DNAJC5: variants seen among roughly 807,000 people sequenced by gnomAD.
DNAJC5 encodes DnaJ heat shock protein family (Hsp40) member C5.
In DNAJC5, 1 loss-of-function variant was observed where a neutral mutation model predicts 23.2. That is an observed-to-expected ratio of 0.04 (90% CI 0.02 to 0.20). The LOEUF is 0.20. Among genes scored for constraint, DNAJC5 ranks in the 10% least tolerant of loss-of-function variants. DNAJC5 has a pLI of 1.00. For synonymous variants in DNAJC5, 136 were observed against 120.0 expected (o/e 1.13, Z -0.87); for missense variants, 180 against 267.0 (o/e 0.67, Z 2.27).
At chr20:63,904,967 C>T (rs1195182930) in intron 1 of DNAJC5, among the ~76,000 whole-genome samples, 1 of 151,486 alleles carries the variant, frequency 6.6e-6, no homozygotes, top group Non-Finnish European at 1.5e-5. Context: ...CCACGCCCGG[C>T]TAATTTTTGT....
chr20:63,932,512 A>T lies in DNAJC5; in HGVS notation c.*944A>T, dbSNP rs774407862. The T allele has an allele frequency of 1.3e-5, 2 of 152,236 alleles. No homozygotes were observed. The highest frequency in any genetic ancestry group is 2.9e-5 in the Non-Finnish European group (2 of 68,020). 9.4% of individuals were successfully genotyped at this position (152,236 alleles called of 1,614,324 possible). A position where few individuals can be genotyped will look rare whatever the true frequency, so the allele number is the denominator to read the frequency against. ...GACCTTTAGAACCACAGATGATAGG[A>T]CCAGCCCAATGAGCCACAGTCAGAG... On this transcript the variant is annotated 3_prime_UTR_variant, in exon 5 of 5. Transcript: ENST00000360864. This position sits in a 1 kb window ranked among gnomAD's most constrained non-coding sequence, Gnocchi z 4.4.
chr20:63,923,543 A>G (rs2427564), intron 1 of DNAJC5, among the ~76,000 whole-genome samples: 2,077 of 152,228 alleles, frequency 0.014, 10 homozygotes, highest in African/African-American at 0.024. Context: ...GTTTGAGACC[A>G]ACAAGATCCT....
chr20:63,906,105 C>T (rs181569745), intron 1 of DNAJC5, among the ~76,000 whole-genome samples: 1 of 152,188 alleles, frequency 6.6e-6, no homozygotes, highest in East Asian at 1.9e-4. Flanking sequence ...AATGTGTCTT[C>T]AAGCTGAGAA....
intron 1 of DNAJC5, among the ~76,000 whole-genome samples, chr20:63,917,475 A>C (rs1351794654): frequency 2.0e-5 from 3 of 151,676 alleles, no homozygotes; most frequent in African/African-American, 7.3e-5. Flanking sequence ...CTGGTCTCAA[A>C]CTCCTGAGCT....
At chr20:63,902,929 G>A (rs950324271) in intron 1 of DNAJC5, among the ~76,000 whole-genome samples, 2 of 151,850 alleles carry the variant, frequency 1.3e-5, no homozygotes, top group African/African-American at 4.8e-5. Context: ...TGCCCACCTC[G>A]GCCTCCCAAA....
At chr20:63,902,399 CTT>C (rs1378703615) in intron 1 of DNAJC5, among the ~76,000 whole-genome samples, 4 of 101,100 alleles carry the variant, frequency 4.0e-5, no homozygotes, top group Non-Finnish European at 7.3e-5. Flanking sequence ...GAGTTTCACT[CTT>C]GTTTCCCAGG....
At position 63,920,780 on chromosome 20, in the gene DNAJC5, C is replaced by T. The variant is rs941486072; in HGVS notation, c.-11-7555C>T. 5.9e-5 allele frequency among the ~76,000 whole-genome samples: 9 copies of T among 152,038 alleles called. No individual in the cohort carries two copies. Among genetic ancestry groups the T allele is most frequent in the South Asian group, 2.1e-4 (1 of 4,824 alleles). On this transcript the variant is annotated intron_variant, in intron 1 of 4. Coordinates refer to ENST00000360864, the MANE Select transcript of DNAJC5 (RefSeq NM_025219.3). The surrounding 1 kb of genome is among the most constrained non-coding windows in gnomAD (Gnocchi z 4.6). Reference sequence around the variant, plus strand: ...GCAACCTCCCCCTCGAGGGTTCAAGCGATTCTCCTGCCTCAGCCTCCTGAG... The same window carrying T: ...GCAACCTCCCCCTCGAGGGTTCAAGTGATTCTCCTGCCTCAGCCTCCTGAG...
Position 63,928,447 on chromosome 20 carries a change from C to T in DNAJC5, c.102C>T (p.Ser34=). The T allele has an allele frequency of 6.2e-7, 1 of 1,613,840 alleles. No individual in the cohort carries two copies. Among genetic ancestry groups the T allele is most frequent in the Non-Finnish European group, 8.5e-7 (1 of 1,179,854 alleles). The change falls in exon 2 of 5, where the codon TCC becomes TCT. Residue 34 remains serine, a synonymous_variant. Transcript: ENST00000360864. This position sits in a 1 kb window ranked among gnomAD's most constrained non-coding sequence, Gnocchi z 4.6. ...CAACCTCAGATGACATTAAAAAGTCCTATCGGTAAGTGGACAAGTGTGGCC... is the reference window on the plus strand; with the variant it reads ...CAACCTCAGATGACATTAAAAAGTCTTATCGGTAAGTGGACAAGTGTGGCC... ...KNATSDDIKK[S]YRKLALKYHP... is the part of the protein sequence containing the mutation.
chr20:63,925,523 G>T (rs1314839239), intron 1 of DNAJC5, among the ~76,000 whole-genome samples: 1 of 151,376 alleles, frequency 6.6e-6, no homozygotes, highest in Non-Finnish European at 1.5e-5. Flanking sequence ...GTGTAAAATA[G>T]GTGAAGGATG....
chr20:63,928,533 A>C lies in DNAJC5; in HGVS notation c.107+81A>C, dbSNP rs938409571. The C allele has an allele frequency of 2.9e-5, 34 of 1,170,670 alleles. No homozygotes were observed. The highest frequency in any genetic ancestry group is 4.0e-5 in the Non-Finnish European group (31 of 782,770). 72.5% of individuals were successfully genotyped at this position (1,170,670 alleles called of 1,614,324 possible). On this transcript the variant is annotated intron_variant, in intron 2 of 4. Transcript: ENST00000360864. This position sits in a 1 kb window ranked among gnomAD's most constrained non-coding sequence, Gnocchi z 4.6. ...TGGTTTAGTCTGCATTTTACCAAGA[A>C]CCATTGCACATACTTTATCCTGGCC...
intron 1 of DNAJC5, among the ~76,000 whole-genome samples, chr20:63,927,270 A>C (rs1031086518): frequency 1.1e-4 from 16 of 152,148 alleles, no homozygotes; most frequent in Non-Finnish European, 2.1e-4. Flanking sequence ...TAACCCCAGC[A>C]CTGTGGGAGG....
rs1384112996 is a variant in DNAJC5, at chr20:63,929,072, TCA to T, written c.108-237_108-236del. ...GCTGAACTTAGATGTGCCGTGGCAC[TCA>T]CAGCCCTTGGGGCTCCCTCCTCTGA... On this transcript the variant is annotated intron_variant, in intron 2 of 4. Transcript: ENST00000360864. This position sits in a 1 kb window ranked among gnomAD's most constrained non-coding sequence, Gnocchi z 8.6. 6.6e-6 allele frequency among the ~76,000 whole-genome samples: 1 copy of T among 152,232 alleles called. No homozygotes were observed. The highest frequency in any genetic ancestry group is 1.5e-5 in the Non-Finnish European group (1 of 68,028).
intron 1 of DNAJC5, among the ~76,000 whole-genome samples, chr20:63,918,785 G>A (rs1368616902): frequency 6.6e-6 from 1 of 152,086 alleles, no homozygotes; most frequent in Non-Finnish European, 1.5e-5. Flanking sequence ...TTGTAGAGAC[G>A]GGGTTTCACT....
In DNAJC5 at chr20:63,897,965, G is replaced by A. The variant is rs1352154492; in HGVS notation, c.-12+2642G>A. Among the ~76,000 whole-genome samples the A allele has an allele frequency of 3.3e-5, 5 of 152,306 alleles. No homozygotes were observed. In the South Asian group the frequency reaches 8.3e-4, roughly 25 times the overall value. ...TTCAGAGATTGAACAGACGCTGCAC[G>A]TTTCTCAGGCATTTTTCCTCAGTTC... On this transcript the variant is annotated intron_variant, in intron 1 of 4. Coordinates refer to ENST00000360864, the MANE Select transcript of DNAJC5 (RefSeq NM_025219.3).
At chr20:63,925,485 A>G (rs1309523390) in intron 1 of DNAJC5, among the ~76,000 whole-genome samples, 1 of 151,482 alleles carries the variant, frequency 6.6e-6, no homozygotes, top group African/African-American at 2.4e-5. Context: ...CTCCACCTCA[A>G]AAATAAAAAT....
rs1009899508 is a variant in DNAJC5, at chr20:63,920,127, G to A, written c.-11-8208G>A. ...TGCCCAGGGCCCGGGACAGCGCCAC[G>A]GAAGAGGACGCACAGGACAGCGCCA... On this transcript the variant is annotated intron_variant, in intron 1 of 4. Transcript: ENST00000360864. This position sits in a 1 kb window ranked among gnomAD's most constrained non-coding sequence, Gnocchi z 4.6. Among the ~76,000 whole-genome samples the A allele has an allele frequency of 4.3e-5, 6 of 138,588 alleles. No individual in the cohort carries two copies. The highest frequency in any genetic ancestry group is 2.4e-4 in the South Asian group (1 of 4,216). The allele number at this position is 138,588 out of a possible 152,430, so 90.9% of individuals were successfully genotyped here.
intron 1 of DNAJC5, among the ~76,000 whole-genome samples, chr20:63,910,942 T>C (rs1005294545): frequency 2.6e-5 from 4 of 152,198 alleles, no homozygotes; most frequent in Non-Finnish European, 5.9e-5. Flanking sequence ...GTACTGGGAT[T>C]ATAGGCCTGA....
At chr20:63,925,067 A>G (rs764355104) in intron 1 of DNAJC5, among the ~76,000 whole-genome samples, 1 of 152,184 alleles carries the variant, frequency 6.6e-6, no homozygotes, top group Non-Finnish European at 1.5e-5. Flanking sequence ...TGAAGGCAGG[A>G]AAGTCCGCCT....
At chr20:63,911,195 A>G (rs1038113814) in intron 1 of DNAJC5, among the ~76,000 whole-genome samples, 1 of 152,166 alleles carries the variant, frequency 6.6e-6, no homozygotes, top group Admixed American at 6.6e-5. Flanking sequence ...AAAGGGCTTC[A>G]GCATGTGGGG....
Sources: allele counts gnomAD v4.1 joint callset (sites outside exome capture counted in the v4.1 genomes callset), GRCh38; gene constraint gnomAD v4.1.1; non-coding constraint Gnocchi (gnomAD v3.1); transcripts MANE v1.5; gene names NCBI Gene and HGNC (gene_info 2026-07-23, HGNC 2026-07-21).